The following RAI1 variants were observed in gnomAD, a reference collection of about 807,000 sequenced individuals.
RAI1 encodes the protein retinoic acid induced 1.
In RAI1, 9 loss-of-function variants were observed where a neutral mutation model predicts 123.8. That is an observed-to-expected ratio of 0.07 (90% confidence interval 0.04 to 0.13). The LOEUF is 0.13. Ranked by LOEUF, RAI1 falls within the 10% of genes least tolerant of loss-of-function variation. The probability of loss-of-function intolerance (pLI) is 1.00; values close to 1 mark genes in which losing one functional copy is unlikely to be tolerated. For synonymous variants in RAI1, 1,231 were observed against 1,127.3 expected (o/e 1.09, Z -1.84); for missense variants, 2,256 against 2,545.8 (o/e 0.89, Z 2.45).
intron 2 of RAI1, among the ~76,000 whole-genome samples, chr17:17,773,351 A>G (rs1306644141): frequency 6.6e-6 from 1 of 152,120 alleles, no homozygotes; most frequent in Non-Finnish European, 1.5e-5. Flanking sequence ...AGTGCATGGG[A>G]CAGAACAAGG....
intron 4 of RAI1, among the ~76,000 whole-genome samples, chr17:17,804,994 C>T (rs2032568121): frequency 6.6e-6 from 1 of 152,142 alleles, no homozygotes; most frequent in African/African-American, 2.4e-5. Context: ...TCTCAAGTAG[C>T]TGGGACTACA....
intron 2 of RAI1, among the ~76,000 whole-genome samples, chr17:17,786,396 G>A (rs2031829062): frequency 6.6e-6 from 1 of 152,210 alleles, no homozygotes; most frequent in Non-Finnish European, 1.5e-5. Flanking sequence ...GAACAAAACA[G>A]GCAGAAATCC....
intron 3 of RAI1, among the ~76,000 whole-genome samples, chr17:17,798,868 G>A (rs906348718): frequency 5.9e-5 from 9 of 152,142 alleles, no homozygotes; most frequent in Non-Finnish European, 1.3e-4. Context: ...CAGAGAACAC[G>A]AGGACTCCCA....
intron 1 of RAI1, among the ~76,000 whole-genome samples, chr17:17,708,005 G>C (rs561344662): frequency 6.6e-6 from 1 of 152,146 alleles, no homozygotes; most frequent in Non-Finnish European, 1.5e-5. Context: ...GAGCTTGAAG[G>C]GGAGTAGAAG....
At chr17:17,779,691 T>C (rs552812023) in intron 2 of RAI1, among the ~76,000 whole-genome samples, 131 of 151,936 alleles carry the variant, frequency 8.6e-4, no homozygotes, top group African/African-American at 2.9e-3. Context: ...TGGAAACCCT[T>C]AGTAGGTAGC....
rs772449638 is a variant in RAI1 at position 17,797,198 on chromosome 17, A to G, written c.4250A>G (p.Lys1417Arg). ...SLKGKLMNSKKLSSTDCFKTE... is the reference protein window; with the variant it reads ...SLKGKLMNSKRLSSTDCFKTE... ...AAAGGCAAACTCATGAACAGTAAGA[A>G]ACTGTCTTCTACTGACTGTTTCAAA... The change falls in exon 3 of 6, where the codon AAA becomes AGA. Residue 1417 changes from lysine to arginine, a missense_variant. Around this residue, in one of 7 missense-constraint regions of RAI1, gnomAD observed 410 missense variants for 374.6 expected, o/e 1.09. Coordinates refer to ENST00000353383, the MANE Select transcript of RAI1 (RefSeq NM_030665.4). 15 of 1,613,732 alleles carry G rather than the reference A, an allele frequency of 9.3e-6. No homozygotes were observed. The Middle Eastern group carries it at 8.2e-4, about 88-fold the overall frequency.
intron 1 of RAI1, among the ~76,000 whole-genome samples, chr17:17,718,595 TG>T: frequency 6.6e-6 from 1 of 152,266 alleles, no homozygotes; most frequent in South Asian, 2.1e-4. Flanking sequence ...TGGAACATGG[TG>T]GGTTCCATAA....
At position 17,794,416 on chromosome 17, in the gene RAI1, G is replaced by A. The variant is rs1189769098; in HGVS notation, c.1468G>A (p.Ala490Thr). ...HCSPEGSGYSAEPAGTPLSEP... is the reference protein window; with the variant it reads ...HCSPEGSGYSTEPAGTPLSEP... Reference sequence around the variant, plus strand: ...CAGCCCCGAAGGGAGCGGCTACTCAGCCGAGCCCGCAGGCACACCGCTGTC... The same window carrying A: ...CAGCCCCGAAGGGAGCGGCTACTCAACCGAGCCCGCAGGCACACCGCTGTC... The change falls in exon 3 of 6, where the codon GCC becomes ACC. Residue 490 changes from alanine to threonine, a missense_variant. Physicochemically the swap from Ala to Thr is moderately conservative, Grantham distance 58. Coordinates refer to ENST00000353383, the MANE Select transcript of RAI1 (RefSeq NM_030665.4). 1 of 1,612,976 alleles carries A rather than the reference G, an allele frequency of 6.2e-7. No individual in the cohort carries two copies. The highest frequency in any genetic ancestry group is 1.7e-5 in the Admixed American group (1 of 60,028).
rs1011809830 is a variant in RAI1 at position 17,685,683 on chromosome 17, C to T, written c.-149+3890C>T. On this transcript the variant is annotated intron_variant, in intron 1 of 5. Transcript: ENST00000353383. This position sits in a 1 kb window ranked among gnomAD's most constrained non-coding sequence, Gnocchi z 4.0. ...GTGCTGGCCAGCAGCACTGTCAGAG[C>T]GATCGTTCTAAACCCAGCAGATAAC... Among the ~76,000 whole-genome samples, 17 of 152,164 alleles carry T rather than the reference C, an allele frequency of 1.1e-4. No homozygotes were observed. The highest frequency in any genetic ancestry group is 4.1e-4 in the African/African-American group (17 of 41,446).
chr17:17,749,899 A>G (rs2030087720), intron 2 of RAI1, among the ~76,000 whole-genome samples: 1 of 152,268 alleles, frequency 6.6e-6, no homozygotes, highest in Admixed American at 6.5e-5. Flanking sequence ...GAGTGAATGG[A>G]TAAGCACATG....
chr17:17,808,343 G>C (rs1244325827), intron 4 of RAI1, among the ~76,000 whole-genome samples: 1 of 149,768 alleles, frequency 6.7e-6, no homozygotes, highest in Non-Finnish European at 1.5e-5. Flanking sequence ...ACATGTGCAG[G>C]GTGGTTTATT....
chr17:17,786,965 C>T (rs191147400), intron 2 of RAI1, among the ~76,000 whole-genome samples: 8 of 152,332 alleles, frequency 5.3e-5, no homozygotes, highest in Admixed American at 1.3e-4. Context: ...CCCAGCTACC[C>T]GGGAGGCGGA....
At chr17:17,798,901 C>T (rs888328126) in intron 3 of RAI1, among the ~76,000 whole-genome samples, 6 of 152,330 alleles carry the variant, frequency 3.9e-5, no homozygotes, top group East Asian at 3.9e-4. Flanking sequence ...AGGGCTGCCC[C>T]GGGCGGTGCA....
Position 17,790,769 on chromosome 17 carries a change from A to G in RAI1, c.-16-2164A>G, listed in dbSNP as rs376963201. Among the ~76,000 whole-genome samples, 6 of 152,332 alleles carry G rather than the reference A, an allele frequency of 3.9e-5. No homozygotes were observed. In the East Asian group the frequency reaches 9.6e-4, roughly 24 times the overall value. ...CTTCAGAGTGGTCCTGGGTTTGCAC[A>G]TTCTGGGCTCATAAACATGCGCCTG... On this transcript the variant is annotated intron_variant, in intron 2 of 5. Coordinates refer to ENST00000353383, the MANE Select transcript of RAI1 (RefSeq NM_030665.4).
At chr17:17,806,933 A>G (rs911392565) in intron 4 of RAI1, among the ~76,000 whole-genome samples, 3 of 152,140 alleles carry the variant, frequency 2.0e-5, no homozygotes, top group Non-Finnish European at 4.4e-5. Context: ...CAGGCCATCT[A>G]CACACACGGC....
In RAI1 at chr17:17,795,686, G is replaced by T. The variant is rs2032211366; in HGVS notation, c.2738G>T (p.Gly913Val). 2 of 1,613,206 alleles carry T rather than the reference G, an allele frequency of 1.2e-6. No homozygotes were observed. Among genetic ancestry groups the T allele is most frequent in the African/African-American group, 1.3e-5 (1 of 74,944 alleles). The change falls in exon 3 of 6, where the codon GGC becomes GTC. Residue 913 changes from glycine (G) to valine (V), a missense_variant. This residue lies in a region of RAI1 where 566 missense variants were observed against 616.0 expected (regional missense o/e 0.92). Coordinates refer to ENST00000353383, the MANE Select transcript of RAI1 (RefSeq NM_030665.4). This position sits in a 1 kb window ranked among gnomAD's most constrained non-coding sequence, Gnocchi z 5.9. The stretch of plus-strand genomic sequence containing the variant: ...GAGGAGGTGCTGGACTCCAAGGCCG[G>T]CTGGGGCTCTCCGTGCCACCTCTCA... ...EVEEVLDSKA[G>V]WGSPCHLSGE...
Position 17,737,331 on chromosome 17 carries a change from G to A in RAI1, c.-17+13172G>A, listed in dbSNP as rs145110606. ...ACCTGTGGTCCTTGTTTTGCACATG[G>A]CCCGAGGGAGGGTCTTGCCCAGACT... On this transcript the variant is annotated intron_variant, in intron 2 of 5. Coordinates refer to ENST00000353383, the MANE Select transcript of RAI1 (RefSeq NM_030665.4). Among the ~76,000 whole-genome samples, 54 of 152,232 alleles carry A rather than the reference G, an allele frequency of 3.5e-4. No homozygotes were observed. In the East Asian group the frequency reaches 9.9e-3, roughly 28 times the overall value.
rs965330172 is a variant in RAI1, at chr17:17,801,398, C to T, written c.5566-2358C>T. Among the ~76,000 whole-genome samples, 1 of 152,188 alleles carries T rather than the reference C, an allele frequency of 6.6e-6. No homozygotes were observed. The highest frequency in any genetic ancestry group is 1.5e-5 in the Non-Finnish European group (1 of 68,016). On this transcript the variant is annotated intron_variant, in intron 3 of 5. Transcript: ENST00000353383. This position sits in a 1 kb window ranked among gnomAD's most constrained non-coding sequence, Gnocchi z 4.1. ...GCCTGAGGCCTCACTCTCTCTGCAT[C>T]TTAGTTTCTTCACATCTAAAATGCT...
chr17:17,769,760 G>A (rs1002795231), intron 2 of RAI1, among the ~76,000 whole-genome samples: 1 of 152,192 alleles, frequency 6.6e-6, no homozygotes, highest in African/African-American at 2.4e-5. Flanking sequence ...CCTGTGGGGC[G>A]AGGAGGCCTA....
Sources: gnomAD v4.1 joint callset for allele counts (sites outside exome capture counted in the v4.1 genomes callset) on GRCh38, gnomAD v4.1.1 for gene constraint, gnomAD v4.1.1 regional missense constraint, Gnocchi (gnomAD v3.1) non-coding constraint, MANE v1.5 for transcripts, NCBI Gene and HGNC (gene_info 2026-07-23, HGNC 2026-07-21) for gene names.